BMPR1A: variants seen among roughly 807,000 people sequenced by gnomAD.
The protein encoded by BMPR1A is bone morphogenetic protein receptor type 1A, also known as bone morphogenetic protein receptor type-1A.
Under a neutral mutation model 66.0 loss-of-function variants are expected in BMPR1A, and 7 were observed. The observed-to-expected ratio is 0.11, with a 90% CI of 0.06 to 0.20. The LOEUF (loss-of-function observed/expected upper bound fraction) is 0.20, where lower values mean the gene tolerates loss of function less well. Among genes scored for constraint, BMPR1A ranks in the 10% least tolerant of loss-of-function variants. BMPR1A has a pLI of 1.00. For synonymous variants in BMPR1A, 200 were observed against 229.7 expected, an observed-to-expected ratio of 0.87 and a Z score of 1.17; for missense variants, 408 against 669.1, an observed-to-expected ratio of 0.61 and a Z score of 4.31.
At chr10:86,823,631 G>A (rs1287921043) in intron 1 of BMPR1A, among the ~76,000 whole-genome samples, 1 of 152,226 alleles carries the variant, frequency 6.6e-6, no homozygotes, top group Non-Finnish European at 1.5e-5. Context: ...ACTAAAATGA[G>A]CAGTTGTGTG....
chr10:86,912,882 T>TA (rs1843511532), intron 8 of BMPR1A, among the ~76,000 whole-genome samples: 1 of 151,904 alleles, frequency 6.6e-6, no homozygotes, highest in African/African-American at 2.4e-5. Flanking sequence ...CATAGTTCAA[T>TA]AAAAAATAAT....
intron 1 of BMPR1A, among the ~76,000 whole-genome samples, chr10:86,757,420 G>T (rs1847893563): frequency 6.6e-6 from 1 of 152,176 alleles, no homozygotes; most frequent in South Asian, 2.1e-4. Context: ...TGCTTCACCT[G>T]TTGTCCTGCG....
chr10:86,856,021 A>C (rs1282037893), intron 2 of BMPR1A: 3 of 623,926 alleles, frequency 4.8e-6, no homozygotes, highest in African/African-American at 3.7e-5. Context: ...CTCTCACCGT[A>C]CTGGAGTTTT....
At chr10:86,763,796 T>TG (rs1355635978) in intron 1 of BMPR1A, among the ~76,000 whole-genome samples, 57 of 148,856 alleles carry the variant, frequency 3.8e-4, no homozygotes, top group South Asian at 2.2e-4. Flanking sequence ...AGTTGTTTTT[T>TG]TTTTTTTTTT....
At chr10:86,894,135 A>G (rs926188819) in intron 5 of BMPR1A, among the ~76,000 whole-genome samples, 3 of 152,254 alleles carry the variant, frequency 2.0e-5, no homozygotes, top group South Asian at 2.1e-4. Flanking sequence ...AGTAGAGAAT[A>G]AATAGCCCTG....
At chr10:86,890,973 G>A (rs1843141564) in intron 4 of BMPR1A, among the ~76,000 whole-genome samples, 1 of 152,112 alleles carries the variant, frequency 6.6e-6, no homozygotes, top group South Asian at 2.1e-4. Context: ...AAAAAAAATT[G>A]CCTGAACAAC....
At chr10:86,863,850 T>A (rs549367271) in intron 2 of BMPR1A, among the ~76,000 whole-genome samples, 19 of 152,264 alleles carry the variant, frequency 1.2e-4, no homozygotes, top group South Asian at 6.2e-4. Context: ...TTAAAAAAAA[T>A]TTTTAAATAG....
intron 2 of BMPR1A, among the ~76,000 whole-genome samples, chr10:86,848,005 C>T (rs1842510489): frequency 6.6e-6 from 1 of 151,412 alleles, no homozygotes; most frequent in South Asian, 2.1e-4. Flanking sequence ...CATCTTGGCT[C>T]ACTGCACCCT....
downstream of BMPR1A, chr10:86,929,675 G>A (rs1023987817): frequency 2.6e-5 from 4 of 152,352 alleles, no homozygotes; most frequent in African/African-American, 9.6e-5. Flanking sequence ...GCCTGGTAAA[G>A]AAGACTCAGT....
At chr10:86,816,622 G>T (rs1842037902) in intron 1 of BMPR1A, among the ~76,000 whole-genome samples, 1 of 152,178 alleles carries the variant, frequency 6.6e-6, no homozygotes, top group Admixed American at 6.5e-5. Flanking sequence ...TTTTCCACTT[G>T]TTTGCAGAGC....
intron 1 of BMPR1A, among the ~76,000 whole-genome samples, chr10:86,779,067 C>T (rs1324467790): frequency 6.6e-6 from 1 of 151,822 alleles, no homozygotes; most frequent in Non-Finnish European, 1.5e-5. Flanking sequence ...CATACTCAGC[C>T]CAGATTTTAT....
In BMPR1A at chr10:86,765,989, C is replaced by CTTTTTTTTTTTTTT. The variant is rs67035271; in HGVS notation, c.-268+9071_-268+9084dup. 1.1e-3 allele frequency among the ~76,000 whole-genome samples: 140 copies of CTTTTTTTTTTTTTT among 131,742 alleles called. 3 individuals carry two copies. The highest frequency in any genetic ancestry group is 5.8e-3 in the East Asian group (20 of 3,450). 86.4% of individuals were successfully genotyped at this position (131,742 alleles called of 152,430 possible). On this transcript the variant is annotated intron_variant, in intron 1 of 12. Coordinates refer to ENST00000372037, the MANE Select transcript of BMPR1A (RefSeq NM_004329.3). ...GTCAGTAAATTTCAATTTCCTCATT[C>CTTTTTTTTTTTTTT]TTTTTTTTTTTTTTGAGGGAAGGTC...
chr10:86,791,492 G>A (rs1054119189), intron 1 of BMPR1A, among the ~76,000 whole-genome samples: 14 of 151,914 alleles, frequency 9.2e-5, no homozygotes, highest in South Asian at 4.2e-4. Context: ...GATTACAGGC[G>A]TGAGCCACCG....
intron 1 of BMPR1A, among the ~76,000 whole-genome samples, chr10:86,789,773 A>G (rs1841573895): frequency 6.6e-6 from 1 of 151,960 alleles, no homozygotes; most frequent in Non-Finnish European, 1.5e-5. Context: ...TAATTTAAAA[A>G]CAGGCAAAGG....
intron 1 of BMPR1A, among the ~76,000 whole-genome samples, chr10:86,801,401 A>T (rs1386640953): frequency 6.6e-6 from 1 of 152,212 alleles, no homozygotes; most frequent in Non-Finnish European, 1.5e-5. Flanking sequence ...TTGGTCTCTG[A>T]AAGTTCTGGG....
chr10:86,891,952 CT>C (rs766739759), intron 4 of BMPR1A, among the ~76,000 whole-genome samples, 174 bp from the exon 5 acceptor site: 1 of 152,220 alleles, frequency 6.6e-6, no homozygotes, highest in African/African-American at 2.4e-5. Context: ...TCAGACATAA[CT>C]TTCATTTGTC....
intron 2 of BMPR1A, among the ~76,000 whole-genome samples, chr10:86,859,771 C>T (rs1267441211): frequency 6.6e-6 from 1 of 152,022 alleles, no homozygotes; most frequent in Non-Finnish European, 1.5e-5. Flanking sequence ...GATTGCGCCA[C>T]TGCACTCCAG....
At chr10:86,894,484 C>A (rs2133423399) in intron 5 of BMPR1A, among the ~76,000 whole-genome samples, 1 of 152,298 alleles carries the variant, frequency 6.6e-6, no homozygotes, top group South Asian at 2.1e-4. Flanking sequence ...ACATACTATA[C>A]ATTTTTTAAT....
At chr10:86,781,938 C>T (rs997145972) in intron 1 of BMPR1A, among the ~76,000 whole-genome samples, 3 of 131,374 alleles carry the variant, frequency 2.3e-5, no homozygotes, top group South Asian at 2.4e-4. Flanking sequence ...GCGATCTGGG[C>T]TCACTGCAAC....
Sources: allele counts gnomAD v4.1 joint callset (sites outside exome capture counted in the v4.1 genomes callset), GRCh38; gene constraint gnomAD v4.1.1; transcripts MANE v1.5; gene names NCBI Gene and HGNC (gene_info 2026-07-23, HGNC 2026-07-21).